ACAP2: variants seen among roughly 807,000 people sequenced by gnomAD.
ACAP2 encodes the protein ArfGAP with coiled-coil, ankyrin repeat and PH domains 2.
A neutral mutation model predicts 115.8 loss-of-function variants in ACAP2; 39 were observed. That is an observed-to-expected ratio of 0.34 (90% CI 0.26 to 0.44). The LOEUF (loss-of-function observed/expected upper bound fraction) is 0.44, where lower values mean the gene tolerates loss of function less well. ACAP2 is among the 20% of genes least tolerant of loss of function. The probability of loss-of-function intolerance (pLI) is 1.00; values close to 1 mark genes in which losing one functional copy is unlikely to be tolerated. For missense variants in ACAP2, 662 were observed against 927.6 expected, an observed-to-expected ratio of 0.71 and a Z score of 3.72; for synonymous variants, 289 against 315.8, an observed-to-expected ratio of 0.92 and a Z score of 0.90.
At chr3:195,314,250 T>C (rs985106615) in intron 10 of ACAP2, among the ~76,000 whole-genome samples, 2 of 151,812 alleles carry the variant, frequency 1.3e-5, no homozygotes, top group Non-Finnish European at 2.9e-5. Flanking sequence ...ATCTTATTTA[T>C]GGGAGAAAGA....
intron 17 of ACAP2, chr3:195,295,354 GCA>G: frequency 8.8e-7 from 1 of 1,140,382 alleles, no homozygotes; most frequent in Non-Finnish European, 1.2e-6. Flanking sequence ...AGGGAAAAGG[GCA>G]GGAAAAAACG....
chr3:195,349,963 C>T, intron 4 of ACAP2: 1 of 179,328 alleles, frequency 5.6e-6, no homozygotes, highest in South Asian at 1.2e-4. Flanking sequence ...AAGCTCTATA[C>T]ATTGATTACC....
At chr3:195,438,235 C>T (rs1715717214) in intron 1 of ACAP2, among the ~76,000 whole-genome samples, 1 of 151,628 alleles carries the variant, frequency 6.6e-6, no homozygotes, top group African/African-American at 2.4e-5. Context: ...ACCATGCTGG[C>T]CAGGCTGGTT....
chr3:195,297,994 G>C (rs80146060), intron 15 of ACAP2, among the ~76,000 whole-genome samples: 25 of 151,996 alleles, frequency 1.6e-4, no homozygotes, highest in Admixed American at 1.3e-3. Flanking sequence ...AAAACAAACA[G>C]TTTTCCCAAG....
chr3:195,371,227 A>T (rs921924055), intron 4 of ACAP2, among the ~76,000 whole-genome samples: 6 of 151,910 alleles, frequency 3.9e-5, no homozygotes, highest in Admixed American at 2.6e-4. Context: ...GCCATCTCTG[A>T]TTTCTTTGAG....
intron 4 of ACAP2, among the ~76,000 whole-genome samples, chr3:195,354,419 T>G (rs887130362): frequency 1.3e-5 from 2 of 152,244 alleles, no homozygotes; most frequent in Admixed American, 6.5e-5. Flanking sequence ...TGATTTGCAC[T>G]TCTCCAATGA....
At chr3:195,422,418 C>T (rs537228851) in intron 1 of ACAP2, among the ~76,000 whole-genome samples, 1 of 152,280 alleles carries the variant, frequency 6.6e-6, no homozygotes, top group South Asian at 2.1e-4. Context: ...TAGTTTTCCT[C>T]AAGGTTGTAT....
chr3:195,375,555 T>C (rs1373177567), intron 4 of ACAP2, among the ~76,000 whole-genome samples: 1 of 150,380 alleles, frequency 6.6e-6, no homozygotes, highest in African/African-American at 2.4e-5. Flanking sequence ...CTCACACCTG[T>C]AATCCCAGCA....
intron 1 of ACAP2, among the ~76,000 whole-genome samples, chr3:195,432,076 C>T (rs1194521491): frequency 4.6e-5 from 7 of 152,140 alleles, no homozygotes; most frequent in Admixed American, 4.6e-4. Flanking sequence ...AGTTGCAGAG[C>T]TTTACATTCT....
At chr3:195,404,842 G>A (rs560991543) in intron 1 of ACAP2, among the ~76,000 whole-genome samples, 1 of 148,700 alleles carries the variant, frequency 6.7e-6, no homozygotes, top group East Asian at 2.0e-4. Flanking sequence ...CTGTCGCCCA[G>A]GCTGGAGTGC....
chr3:195,399,793 A>C (rs1712116847), intron 1 of ACAP2, among the ~76,000 whole-genome samples: 1 of 152,152 alleles, frequency 6.6e-6, no homozygotes, highest in Non-Finnish European at 1.5e-5. Context: ...CACACTCTTA[A>C]GTCATAACTC....
intron 20 of ACAP2, among the ~76,000 whole-genome samples, chr3:195,289,785 G>A (rs1251986047): frequency 3.8e-5 from 5 of 131,066 alleles, no homozygotes; most frequent in Non-Finnish European, 6.3e-5. Flanking sequence ...CAGCCTGGGC[G>A]AGAGCAAGAC....
At chr3:195,420,577 T>C (rs1008232017) in intron 1 of ACAP2, among the ~76,000 whole-genome samples, 1 of 152,070 alleles carries the variant, frequency 6.6e-6, no homozygotes, top group Admixed American at 6.6e-5. Context: ...TCTCCTGACC[T>C]CGTGATTCAC....
intron 4 of ACAP2, among the ~76,000 whole-genome samples, chr3:195,380,352 A>T (rs1187865801): frequency 1.3e-5 from 2 of 152,248 alleles, no homozygotes; most frequent in Non-Finnish European, 2.9e-5. Context: ...TTTATTACAG[A>T]CTGGCTAATA....
intron 8 of ACAP2, among the ~76,000 whole-genome samples, chr3:195,330,489 C>G (rs1463077383): frequency 6.6e-6 from 1 of 152,174 alleles, no homozygotes; most frequent in East Asian, 1.9e-4. Flanking sequence ...CAATTCAACT[C>G]ATACTGCTTT....
chr3:195,394,672 G>A (rs1484620196), intron 1 of ACAP2, among the ~76,000 whole-genome samples: 1 of 152,060 alleles, frequency 6.6e-6, no homozygotes, highest in East Asian at 1.9e-4. Context: ...AAAAAGTAGC[G>A]TCAGGCCAGG....
At chr3:195,362,272 C>T (rs1029994914) in intron 4 of ACAP2, among the ~76,000 whole-genome samples, 16 of 150,076 alleles carry the variant, frequency 1.1e-4, no homozygotes, top group Admixed American at 4.0e-4. Flanking sequence ...GCCGAGATTG[C>T]GCCACTGCAC....
rs1715080240 is a variant in ACAP2, at chr3:195,431,098, A to C, written c.53+11697T>G. Among the ~76,000 whole-genome samples the C allele has an allele frequency of 2.0e-5, 3 of 152,148 alleles. 1 individual carries two copies. The highest frequency in any genetic ancestry group is 6.5e-5 in the Admixed American group (1 of 15,268). On this transcript the variant is annotated intron_variant, in intron 1 of 22. Coordinates refer to ENST00000326793, the MANE Select transcript of ACAP2 (RefSeq NM_012287.6). ...ATCACTAATCTATTTTGGCTCTACA[A>C]ATTTGCCTATTCTGGACATTTCACA... is the stretch of plus-strand genomic sequence containing the variant.
intron 9 of ACAP2, among the ~76,000 whole-genome samples, chr3:195,325,235 C>T (rs1300626965): frequency 2.0e-5 from 3 of 152,070 alleles, no homozygotes; most frequent in African/African-American, 4.8e-5. Flanking sequence ...AATGCTAATA[C>T]ACCTTCTAAC....
Sources: gnomAD v4.1 joint callset for allele counts (sites outside exome capture counted in the v4.1 genomes callset) on GRCh38, gnomAD v4.1.1 for gene constraint, MANE v1.5 for transcripts, NCBI Gene and HGNC (gene_info 2026-07-23, HGNC 2026-07-21) for gene names.